The following CACNA2D3 variants were observed in gnomAD, a reference collection of about 807,000 sequenced individuals.
CACNA2D3 encodes voltage-dependent calcium channel subunit alpha-2/delta-3.
A neutral mutation model predicts 160.6 loss-of-function variants in CACNA2D3; 60 were observed. The observed-to-expected ratio is 0.37, with a 90% confidence interval of 0.30 to 0.46. The LOEUF is 0.46. Among genes scored for constraint, CACNA2D3 ranks in the 20% least tolerant of loss-of-function variants. The pLI is 1.00. For missense variants in CACNA2D3, 1,205 were observed against 1,365.0 expected, an observed-to-expected ratio of 0.88 and a Z score of 1.85; for synonymous variants, 558 against 492.9, an observed-to-expected ratio of 1.13 and a Z score of -1.75.
intron 2 of CACNA2D3, among the ~76,000 whole-genome samples, chr3:54,278,635 C>G (rs1281289996): frequency 6.6e-6 from 1 of 152,118 alleles, no homozygotes; most frequent in Non-Finnish European, 1.5e-5. Context: ...ACATATATAC[C>G]ATGGAATACT....
rs116814274 is a variant in CACNA2D3, at chr3:54,143,482, C to T, written c.204+19888C>T. ...TGCTATCCCATTATTCTGGCCTTGT[C>T]ATTGTTAATTTTTTTATTTTTATTT... On this transcript the variant is annotated intron_variant, in intron 2 of 37. Transcript: ENST00000474759. 6.0e-3 allele frequency among the ~76,000 whole-genome samples: 919 copies of T among 152,218 alleles called. 9 individuals carry two copies. Among genetic ancestry groups the T allele is most frequent in the African/African-American group, 0.02 (845 of 41,534 alleles).
intron 35 of CACNA2D3, among the ~76,000 whole-genome samples, chr3:55,044,386 A>G (rs895904460): frequency 4.6e-5 from 7 of 152,154 alleles, no homozygotes; most frequent in Non-Finnish European, 8.8e-5. Context: ...TTTTCATTTC[A>G]ATTACGAACT....
At chr3:54,614,724 T>G (rs1174138055) in intron 9 of CACNA2D3, among the ~76,000 whole-genome samples, 1 of 152,228 alleles carries the variant, frequency 6.6e-6, no homozygotes, top group Non-Finnish European at 1.5e-5. Context: ...ATGAACAAGA[T>G]GAGTCTGTAA....
At chr3:54,887,864 G>A (rs1204922929) in intron 23 of CACNA2D3, 95 bp from the exon 24 acceptor site, 1 of 891,880 alleles carries the variant, frequency 1.1e-6, no homozygotes, top group Non-Finnish European at 1.9e-6. Flanking sequence ...GCATGAGAAA[G>A]TAGCCTGCAG....
intron 21 of CACNA2D3, among the ~76,000 whole-genome samples, chr3:54,881,794 C>T (rs1163138405): frequency 6.6e-6 from 1 of 152,204 alleles, no homozygotes; most frequent in Non-Finnish European, 1.5e-5. Flanking sequence ...ACTGATTACA[C>T]ATGTATGTGG....
chr3:55,049,106 G>T (rs576171658), intron 35 of CACNA2D3, among the ~76,000 whole-genome samples: 2 of 151,608 alleles, frequency 1.3e-5, no homozygotes, highest in African/African-American at 4.9e-5. Context: ...GTTTCCTTCC[G>T]TTCTGCTCTG....
chr3:55,008,832 A>G (rs1446370269), intron 33 of CACNA2D3, among the ~76,000 whole-genome samples: 2 of 151,226 alleles, frequency 1.3e-5, no homozygotes, highest in Admixed American at 6.6e-5. Flanking sequence ...GTTGATTTTT[A>G]TGAAGTTCCA....
chr3:54,932,481 T>C (rs1701213438), intron 27 of CACNA2D3, among the ~76,000 whole-genome samples: 1 of 152,202 alleles, frequency 6.6e-6, no homozygotes, highest in South Asian at 2.1e-4. Context: ...CTTCTGTATA[T>C]TCAACTCGCT....
chr3:54,419,136 G>A (rs1699800406), intron 4 of CACNA2D3, among the ~76,000 whole-genome samples: 1 of 152,242 alleles, frequency 6.6e-6, no homozygotes, highest in Non-Finnish European at 1.5e-5. Context: ...AGAATTGGGA[G>A]TCACTTCCGC....
intron 12 of CACNA2D3, among the ~76,000 whole-genome samples, chr3:54,753,956 A>G (rs903457318): frequency 3.9e-5 from 6 of 152,224 alleles, no homozygotes; most frequent in Non-Finnish European, 7.3e-5. Context: ...ATGTTATACT[A>G]TATATCTCTT....
chr3:54,488,139 T>C (rs1046216234), intron 4 of CACNA2D3, among the ~76,000 whole-genome samples: 2 of 152,032 alleles, frequency 1.3e-5, no homozygotes, highest in Admixed American at 1.3e-4. Context: ...AGACGGCCTG[T>C]GCATCTGGTT....
Position 54,934,985 on chromosome 3 carries a change from G to A in CACNA2D3, c.2450-33465G>A, listed in dbSNP as rs539729361. ...ACTCCTGACCTCAAGTGATCCACCC[G>A]CCTTGGCCTCCCAAAGTGCTGGGAC... On this transcript the variant is annotated intron_variant, in intron 27 of 37. Coordinates refer to ENST00000474759, the MANE Select transcript of CACNA2D3 (RefSeq NM_018398.3). 5.3e-5 allele frequency among the ~76,000 whole-genome samples: 8 copies of A among 152,312 alleles called. No homozygotes were observed. The South Asian group carries it at 8.3e-4, about 16-fold the overall frequency.
chr3:54,794,384 T>TA (rs2106655005), intron 13 of CACNA2D3, among the ~76,000 whole-genome samples: 1 of 151,728 alleles, frequency 6.6e-6, no homozygotes, highest in South Asian at 2.1e-4. Flanking sequence ...TACTTCCACA[T>TA]ATGTTATAAA....
intron 13 of CACNA2D3, among the ~76,000 whole-genome samples, chr3:54,794,800 G>T (rs76263492): frequency 0.033 from 4,957 of 151,980 alleles, 126 homozygotes; most frequent in Non-Finnish European, 0.046. Flanking sequence ...AAACCTATGT[G>T]CCTTTATTTT....
At chr3:54,442,984 C>T (rs1700167724) in intron 4 of CACNA2D3, among the ~76,000 whole-genome samples, 1 of 152,178 alleles carries the variant, frequency 6.6e-6, no homozygotes, top group Non-Finnish European at 1.5e-5. Context: ...CCCACATCTC[C>T]CTGGGTCTGC....
intron 11 of CACNA2D3, among the ~76,000 whole-genome samples, chr3:54,680,181 A>G (rs1035772480): frequency 6.6e-6 from 1 of 152,140 alleles, no homozygotes; most frequent in Admixed American, 6.5e-5. Flanking sequence ...ATGGTTTGCT[A>G]GGGAAAAATA....
At chr3:54,762,213 C>T (rs1702093024) in intron 12 of CACNA2D3, among the ~76,000 whole-genome samples, 1 of 152,152 alleles carries the variant, frequency 6.6e-6, no homozygotes, top group Non-Finnish European at 1.5e-5. Context: ...CATCTTATGT[C>T]ATCTTAACTC....
chr3:54,912,756 T>A (rs1382765219), intron 27 of CACNA2D3, among the ~76,000 whole-genome samples: 1 of 152,154 alleles, frequency 6.6e-6, no homozygotes, highest in African/African-American at 2.4e-5. Flanking sequence ...CTCTGCTAGA[T>A]GTTAAGTTTC....
chr3:54,669,323 A>G (rs781182058), intron 11 of CACNA2D3, among the ~76,000 whole-genome samples: 2 of 152,210 alleles, frequency 1.3e-5, no homozygotes, highest in Non-Finnish European at 2.9e-5. Flanking sequence ...CTCAAGGAGC[A>G]TTGTGTAAAG....
Sources: gnomAD v4.1 joint callset for allele counts (sites outside exome capture counted in the v4.1 genomes callset) on GRCh38, gnomAD v4.1.1 for gene constraint, MANE v1.5 for transcripts, NCBI Gene and HGNC (gene_info 2026-07-23, HGNC 2026-07-21) for gene names.